DLG2: variants seen among roughly 807,000 people sequenced by gnomAD.
The protein encoded by DLG2 is discs large MAGUK scaffold protein 2.
Under a neutral mutation model 132.5 loss-of-function variants are expected in DLG2, and 45 were observed. The observed-to-expected ratio is 0.34, with a 90% CI of 0.27 to 0.44. The LOEUF is 0.44. Among genes scored for constraint, DLG2 ranks in the 20% least tolerant of loss-of-function variants. The probability of loss-of-function intolerance (pLI) is 1.00; values close to 1 mark genes in which losing one functional copy is unlikely to be tolerated. For missense variants in DLG2, 1,045 were observed against 1,196.9 expected (o/e 0.87, Z 1.87); for synonymous variants, 424 against 419.6 (o/e 1.01, Z -0.13).
chr11:84,913,312 CCT>C (rs2092242310), intron 6 of DLG2, among the ~76,000 whole-genome samples: 1 of 152,072 alleles, frequency 6.6e-6, no homozygotes, highest in Admixed American at 6.6e-5. Flanking sequence ...TATTTTTTCC[CCT>C]GTTAGAACTA....
At chr11:85,097,640 C>T (rs2070104581) in intron 6 of DLG2, among the ~76,000 whole-genome samples, 1 of 152,130 alleles carries the variant, frequency 6.6e-6, no homozygotes, top group Admixed American at 6.5e-5. Flanking sequence ...ATTGTTTTTT[C>T]TTCAGACAAT....
At chr11:85,371,979 CT>C (rs1324521617) in intron 3 of DLG2, among the ~76,000 whole-genome samples, 1 of 152,200 alleles carries the variant, frequency 6.6e-6, no homozygotes, top group Non-Finnish European at 1.5e-5. Flanking sequence ...AAAATGAGAA[CT>C]GGAGAGAGAG....
At chr11:84,495,861 G>T (rs2099181575) in intron 7 of DLG2, among the ~76,000 whole-genome samples, 1 of 152,152 alleles carries the variant, frequency 6.6e-6, no homozygotes, top group Non-Finnish European at 1.5e-5. Context: ...TAAATGAAGG[G>T]CGGTAAACGG....
intron 22 of DLG2, among the ~76,000 whole-genome samples, chr11:83,483,457 CA>C (rs755059658): frequency 2.0e-5 from 3 of 152,078 alleles, no homozygotes; most frequent in South Asian, 2.1e-4. Flanking sequence ...ACTTTCACCC[CA>C]AACTCCTTGA....
chr11:84,447,059 G>A (rs1342388674), intron 7 of DLG2, among the ~76,000 whole-genome samples: 3 of 152,130 alleles, frequency 2.0e-5, no homozygotes, highest in African/African-American at 7.2e-5. Context: ...ATTGTTAAGT[G>A]TTTCCTGCAA....
intron 7 of DLG2, among the ~76,000 whole-genome samples, chr11:84,390,906 T>C (rs187936439): frequency 1.3e-4 from 20 of 152,260 alleles, no homozygotes; most frequent in African/African-American, 3.9e-4. Flanking sequence ...CTTGTAATGA[T>C]ACCATCTGAA....
At chr11:84,931,390 TC>T (rs1460660561) in intron 6 of DLG2, among the ~76,000 whole-genome samples, 2 of 152,110 alleles carry the variant, frequency 1.3e-5, no homozygotes, top group Non-Finnish European at 2.9e-5. Context: ...ATCATCTAGC[TC>T]CCACTTGTAA....
At chr11:84,336,675 T>A (rs915313909) in intron 7 of DLG2, among the ~76,000 whole-genome samples, 1 of 152,082 alleles carries the variant, frequency 6.6e-6, no homozygotes, top group Non-Finnish European at 1.5e-5. Context: ...AGCAACCACA[T>A]TAAATGGCCA....
At chr11:85,517,947 T>C (rs1411339577) in intron 3 of DLG2, among the ~76,000 whole-genome samples, 2 of 152,208 alleles carry the variant, frequency 1.3e-5, no homozygotes, top group African/African-American at 4.8e-5. Context: ...ACAAGTTCTT[T>C]TCCCTTTGCC....
intron 6 of DLG2, among the ~76,000 whole-genome samples, chr11:84,554,328 A>C (rs936466040): frequency 6.6e-6 from 1 of 152,210 alleles, no homozygotes; most frequent in Non-Finnish European, 1.5e-5. Context: ...TCTTGAGGGC[A>C]GAACGACTAC....
intron 6 of DLG2, among the ~76,000 whole-genome samples, chr11:84,697,241 T>G (rs11234133): frequency 0.34 from 50,879 of 151,242 alleles, 8,941 homozygotes; most frequent in East Asian, 0.63. Context: ...CTGTAATTGT[T>G]TGACTATAGC....
chr11:84,852,238 G>A (rs1338086593), intron 6 of DLG2, among the ~76,000 whole-genome samples: 1 of 151,978 alleles, frequency 6.6e-6, no homozygotes, highest in Admixed American at 6.6e-5. Context: ...TAATTCCATG[G>A]AGTAAAAACA....
intron 7 of DLG2, among the ~76,000 whole-genome samples, chr11:84,524,919 T>C (rs1414421111): frequency 6.6e-6 from 1 of 152,004 alleles, no homozygotes; most frequent in Non-Finnish European, 1.5e-5. Context: ...AACACCATCT[T>C]AGGCATTGTA....
chr11:84,772,591 C>T (rs1007647247), intron 6 of DLG2, among the ~76,000 whole-genome samples: 3 of 152,116 alleles, frequency 2.0e-5, no homozygotes, highest in Admixed American at 6.6e-5. Context: ...ATCATACTAA[C>T]TATACTCTTG....
Position 84,928,982 on chromosome 11 carries a change from G to GTATA in DLG2, c.357+182675_357+182678dup, listed in dbSNP as rs58945482. Among the ~76,000 whole-genome samples the GTATA allele has an allele frequency of 3.1e-3, 154 of 49,092 alleles. 2 individuals are homozygous for GTATA. The highest frequency in any genetic ancestry group is 5.8e-3 in the East Asian group (8 of 1,372). 32.2% of individuals were successfully genotyped at this position (49,092 alleles called of 152,430 possible). On this transcript the variant is annotated intron_variant, in intron 6 of 27. Transcript: ENST00000376104. Reference sequence around the variant, plus strand: ...TATGTGTGTGTGTGTGTGTGTGTGTGTATATATATATATATATATATATAT... The same window carrying GTATA: ...TATGTGTGTGTGTGTGTGTGTGTGTGTATATATATATATATATATATATATATAT...
chr11:83,532,267 A>G (rs978155258), intron 21 of DLG2, among the ~76,000 whole-genome samples: 2 of 152,110 alleles, frequency 1.3e-5, no homozygotes, highest in African/African-American at 4.8e-5. Flanking sequence ...TGTCACAACA[A>G]TCCGTGTATT....
At chr11:83,857,513 G>T (rs1236145007) in intron 16 of DLG2, among the ~76,000 whole-genome samples, 1 of 152,082 alleles carries the variant, frequency 6.6e-6, no homozygotes, top group Non-Finnish European at 1.5e-5. Flanking sequence ...TTAACAAGAA[G>T]ATCATCCCCA....
At chr11:84,645,200 A>G (rs910908703) in intron 6 of DLG2, among the ~76,000 whole-genome samples, 1 of 152,212 alleles carries the variant, frequency 6.6e-6, no homozygotes, top group Admixed American at 6.5e-5. Context: ...ACTACTAGCT[A>G]TGTGCTCTTG....
chr11:83,825,112 T>C (rs1476139704), intron 17 of DLG2, among the ~76,000 whole-genome samples: 2 of 145,260 alleles, frequency 1.4e-5, no homozygotes, highest in African/African-American at 5.0e-5. Context: ...TATATAGACA[T>C]ATATATACAC....
Sources: gnomAD v4.1 joint callset for allele counts (sites outside exome capture counted in the v4.1 genomes callset) on GRCh38, gnomAD v4.1.1 for gene constraint, MANE v1.5 for transcripts, NCBI Gene and HGNC (gene_info 2026-07-23, HGNC 2026-07-21) for gene names.